TMEM192: variants seen among roughly 807,000 people sequenced by gnomAD.
TMEM192 encodes the protein transmembrane protein 192.
In TMEM192, 20 loss-of-function variants were observed where a neutral mutation model predicts 26.7. That is an observed-to-expected ratio of 0.75 (90% CI 0.53 to 1.09). The LOEUF (loss-of-function observed/expected upper bound fraction) is 1.09, where lower values mean the gene tolerates loss of function less well. Among genes scored for constraint, TMEM192 ranks in the 50% least tolerant of loss-of-function variants. The pLI, the probability that TMEM192 is intolerant of heterozygous loss-of-function variation, is 0.00. For synonymous variants in TMEM192, 124 were observed against 121.0 expected, an observed-to-expected ratio of 1.02 and a Z score of -0.16; for missense variants, 304 against 322.6, an observed-to-expected ratio of 0.94 and a Z score of 0.44.
In TMEM192 at chr4:165,107,733, G is replaced by C. The variant is rs577373137; in HGVS notation, c.28-4637C>G. 2.6e-5 allele frequency among the ~76,000 whole-genome samples: 4 copies of C among 152,162 alleles called. No individual in the cohort carries two copies. In the East Asian group the frequency reaches 5.8e-4, roughly 22 times the overall value. On this transcript the variant is annotated intron_variant, in intron 1 of 5. Coordinates refer to ENST00000306480, the MANE Select transcript of TMEM192 (RefSeq NM_001100389.2). ...TGAAACACTTTCCATCTCTACACCA[G>C]CTCTACTTATTCTTCCCCACCTGTC...
chr4:165,105,692 G>A (rs1276806190), intron 1 of TMEM192, among the ~76,000 whole-genome samples: 1 of 151,884 alleles, frequency 6.6e-6, no homozygotes, highest in Non-Finnish European at 1.5e-5. Flanking sequence ...ACAGGGTCTC[G>A]CTATGTTGGC....
intron 1 of TMEM192, among the ~76,000 whole-genome samples, chr4:165,107,993 T>C (rs1309188205): frequency 1.3e-5 from 2 of 152,166 alleles, no homozygotes; most frequent in Admixed American, 6.6e-5. Context: ...TCTGAATCAG[T>C]TTCAGTGGAC....
At chr4:165,088,706 A>G (rs529375877) in intron 3 of TMEM192, 104 bp from the exon 4 acceptor site, 71 of 1,160,114 alleles carry the variant, frequency 6.1e-5, no homozygotes, top group Admixed American at 2.4e-4. Context: ...CAGAGCTCCT[A>G]AAACACTTGT....
At chr4:165,090,344 C>A (rs1349270605) in intron 3 of TMEM192, among the ~76,000 whole-genome samples, 1 of 151,292 alleles carries the variant, frequency 6.6e-6, no homozygotes, top group African/African-American at 2.4e-5. Flanking sequence ...GATCACACCA[C>A]TGCACTCCAG....
chr4:165,105,757 G>A (rs917183758), intron 1 of TMEM192, among the ~76,000 whole-genome samples: 4 of 152,196 alleles, frequency 2.6e-5, no homozygotes, highest in African/African-American at 7.2e-5. Flanking sequence ...CACTCCCAGT[G>A]TGCTAGGATT....
In TMEM192 at chr4:165,079,493, A is replaced by G. The variant is rs190436105; in HGVS notation, c.*165T>C. The G allele has an allele frequency of 3.0e-6, 2 of 658,076 alleles. No individual in the cohort carries two copies. The highest frequency in any genetic ancestry group is 3.1e-5 in the East Asian group (1 of 32,468). 40.8% of individuals were successfully genotyped at this position (658,076 alleles called of 1,614,324 possible). ...ACTTTTCAAGTGACCCACAAGCCCT[A>G]TATTTTAAACAGCCACAGAAGTCAG... On this transcript the variant is annotated 3_prime_UTR_variant, in exon 6 of 6. Transcript: ENST00000306480.
chr4:165,108,764 CA>C (rs1560937415), intron 1 of TMEM192, among the ~76,000 whole-genome samples: 2 of 152,124 alleles, frequency 1.3e-5, no homozygotes, highest in Non-Finnish European at 2.9e-5. Flanking sequence ...GCTCCCCGTG[CA>C]TATCTTCAGA....
At chr4:165,107,239 G>A (rs1376852003) in intron 1 of TMEM192, among the ~76,000 whole-genome samples, 2 of 151,832 alleles carry the variant, frequency 1.3e-5, no homozygotes, top group East Asian at 3.9e-4. Flanking sequence ...TGGCCATGCT[G>A]GTCTCAAACT....
At position 165,085,618 on chromosome 4, in the gene TMEM192, G is replaced by A. The variant is rs1418553192; in HGVS notation, c.645C>T (p.Tyr215=). Residue 215 remains tyrosine (Y), a synonymous_variant, in exon 5 of 6, where the codon TAC becomes TAT. Coordinates refer to ENST00000306480, the MANE Select transcript of TMEM192 (RefSeq NM_001100389.2). ...DILEEEKIYA[Y]PSNITSETGF... ...CAGTCTCCGAGGTAATATTGCTGGG[G>A]TAAGCATAGATTTTTTCTTCTTCAA... 6.2e-7 allele frequency: 1 copy of A among 1,612,550 alleles called. No individual in the cohort carries two copies. The highest frequency in any genetic ancestry group is 1.1e-5 in the South Asian group (1 of 90,582).
intron 4 of TMEM192, among the ~76,000 whole-genome samples, chr4:165,087,822 C>T (rs1036998603): frequency 6.6e-6 from 1 of 152,198 alleles, no homozygotes; most frequent in African/African-American, 2.4e-5. Context: ...ACATGAGCCA[C>T]TGTGCCTGGC....
At chr4:165,089,136 T>C (rs1657836329) in intron 3 of TMEM192, among the ~76,000 whole-genome samples, 2 of 149,712 alleles carry the variant, frequency 1.3e-5, no homozygotes, top group South Asian at 4.2e-4. Flanking sequence ...GACAGCCATG[T>C]AGAAATGTGA....
chr4:165,106,589 A>C (rs917367666), intron 1 of TMEM192, among the ~76,000 whole-genome samples: 1 of 152,212 alleles, frequency 6.6e-6, no homozygotes, highest in Non-Finnish European at 1.5e-5. Flanking sequence ...CAGCTTGCTG[A>C]GTTTTCTGGC....
chr4:165,098,823 A>C (rs1276175035), intron 3 of TMEM192, among the ~76,000 whole-genome samples: 1 of 151,402 alleles, frequency 6.6e-6, no homozygotes, highest in Admixed American at 6.6e-5. Flanking sequence ...TCAGCCTCCC[A>C]AGTAGCTGGG....
At chr4:165,094,584 G>T (rs970604164) in intron 3 of TMEM192, among the ~76,000 whole-genome samples, 2 of 151,990 alleles carry the variant, frequency 1.3e-5, no homozygotes, top group South Asian at 4.2e-4. Flanking sequence ...TTGAACCCGG[G>T]AGGCGGTGGC....
intron 1 of TMEM192, among the ~76,000 whole-genome samples, chr4:165,105,649 T>C (rs1195020370): frequency 6.6e-6 from 1 of 152,178 alleles, no homozygotes; most frequent in East Asian, 1.9e-4. Flanking sequence ...CTTTTCTCTT[T>C]TTAATATTTT....
intron 3 of TMEM192, 96 bp downstream of exon 3, chr4:165,100,532 G>A: frequency 1.5e-6 from 2 of 1,370,126 alleles, no homozygotes; most frequent in East Asian, 4.7e-5. Flanking sequence ...AAAAATGAGA[G>A]AATATATTTG....
rs1295230139 is a variant in TMEM192 at position 165,102,957 on chromosome 4, A to C, written c.167T>G (p.Phe56Cys). Residue 56 changes from phenylalanine (F) to cysteine (C), a missense_variant, in exon 2 of 6, where the codon TTT (phenylalanine) becomes TGT (cysteine). By Grantham distance (205) the Phe-to-Cys change is radical. Coordinates refer to ENST00000306480, the MANE Select transcript of TMEM192 (RefSeq NM_001100389.2). ...TTCTTGCAGCCAACTTACATGAATA[A>C]ACCACAGAAGATTCACTATGATGAC... ...PTVIIVNLLW[F>C]IHLVFVVLAF... 1.9e-6 allele frequency: 3 copies of C among 1,611,166 alleles called. No homozygotes were observed. Among genetic ancestry groups the C allele is most frequent in the Admixed American group, 3.4e-5 (2 of 59,316 alleles).
intron 1 of TMEM192, among the ~76,000 whole-genome samples, chr4:165,106,398 C>T (rs1487447840): frequency 6.6e-6 from 1 of 152,174 alleles, no homozygotes; most frequent in African/African-American, 2.4e-5. Flanking sequence ...TCCTCAAAAA[C>T]TTTGGGTAGC....
In TMEM192 at chr4:165,090,910, C is replaced by CAAAAAAAA. The variant is rs70952700; in HGVS notation, c.440-2316_440-2309dup. Among the ~76,000 whole-genome samples, 295 of 50,900 alleles carry CAAAAAAAA rather than the reference C, an allele frequency of 5.8e-3. 36 individuals are homozygous for CAAAAAAAA. Among genetic ancestry groups the CAAAAAAAA allele is most frequent in the Middle Eastern group, 0.043 (2 of 46 alleles). The allele number at this position is 50,900 out of a possible 152,430, so 33.4% of individuals were successfully genotyped here. On this transcript the variant is annotated intron_variant, in intron 3 of 5. Coordinates refer to ENST00000306480, the MANE Select transcript of TMEM192 (RefSeq NM_001100389.2). ...TGGGCGACGGAGAGAGACTCTGTCT[C>CAAAAAAAA]AAAAAAAAAAAAAAAAAAAGGTCAT... is the stretch of plus-strand genomic sequence containing the variant.
Sources: gnomAD v4.1 joint callset for allele counts (sites outside exome capture counted in the v4.1 genomes callset) on GRCh38, gnomAD v4.1.1 for gene constraint, MANE v1.5 for transcripts, NCBI Gene and HGNC (gene_info 2026-07-23, HGNC 2026-07-21) for gene names.